The following TMEM273 variants were observed in gnomAD, a reference collection of about 807,000 sequenced individuals.
TMEM273 encodes chromosome 10 open reading frame 128.
Under a neutral mutation model 17.9 loss-of-function variants are expected in TMEM273, and 19 were observed. The observed-to-expected ratio is 1.06, with a 90% CI of 0.74 to 1.55. TMEM273 has a LOEUF of 1.55. Among genes scored for constraint, TMEM273 ranks in the 40% most tolerant of loss-of-function variants. TMEM273 has a pLI of 0.00. For missense variants in TMEM273, 194 were observed against 155.6 expected, an observed-to-expected ratio of 1.25 and a Z score of -1.31; for synonymous variants, 66 against 62.0, an observed-to-expected ratio of 1.07 and a Z score of -0.31.
rs75050051 is a variant in TMEM273 at position 49,155,796 on chromosome 10, C to T, written c.*96G>A. On this transcript the variant is annotated 3_prime_UTR_variant, in exon 7 of 7. Coordinates refer to ENST00000374153, the MANE Select transcript of TMEM273 (RefSeq NM_001288740.3). ...AGTCCATGTGAAAGTTCATTACCAG[C>T]CTTGGGTGTTTGAATGCAGAACATC... is the stretch of plus-strand genomic sequence containing the variant. 0.038 allele frequency: 60,184 copies of T among 1,578,628 alleles called. 1,658 individuals are homozygous for T. Among genetic ancestry groups the T allele is most frequent in the Non-Finnish European group, 0.037 (43,026 of 1,150,028 alleles).
chr10:49,164,403 G>A (rs1395573148), intron 5 of TMEM273, among the ~76,000 whole-genome samples: 2 of 152,134 alleles, frequency 1.3e-5, no homozygotes, highest in African/African-American at 4.8e-5. Context: ...CCAGGCCTGA[G>A]TCTCTGTCCG....
intron 3 of TMEM273, 138 bp downstream of exon 3, chr10:49,166,731 G>A: frequency 1.6e-6 from 2 of 1,273,772 alleles, no homozygotes; most frequent in Non-Finnish European, 2.2e-6. Flanking sequence ...ACAGAAACAT[G>A]CAGAGGTCAC....
At chr10:49,173,547 C>A (rs1409172704) in intron 1 of TMEM273, among the ~76,000 whole-genome samples, 1 of 152,196 alleles carries the variant, frequency 6.6e-6, no homozygotes, top group African/African-American at 2.4e-5. Context: ...TGAAAGTCCC[C>A]CTTGCTCTCG....
intron 4 of TMEM273, 111 bp downstream of exon 4, chr10:49,165,650 ACCTAG>A: frequency 1.4e-6 from 2 of 1,428,314 alleles, no homozygotes. Context: ...CATTCTAGTC[ACCTAG>A]AAAGCATGCC....
chr10:49,161,998 T>C (rs990813319), intron 5 of TMEM273, among the ~76,000 whole-genome samples: 5 of 152,204 alleles, frequency 3.3e-5, no homozygotes, highest in African/African-American at 7.2e-5. Flanking sequence ...CATCCCTTCA[T>C]GTTTTCTCAT....
At chr10:49,173,189 G>A (rs1363803102) in intron 1 of TMEM273, among the ~76,000 whole-genome samples, 2 of 152,242 alleles carry the variant, frequency 1.3e-5, no homozygotes, top group Non-Finnish European at 2.9e-5. Flanking sequence ...GAATCCAGCT[G>A]TGCCCGAAGC....
chr10:49,186,848 C>G (rs914435511), intron 1 of TMEM273, among the ~76,000 whole-genome samples: 3 of 152,158 alleles, frequency 2.0e-5, no homozygotes, highest in African/African-American at 7.2e-5. Flanking sequence ...ATTGTGGCAC[C>G]TATTGCACAG....
intron 5 of TMEM273, among the ~76,000 whole-genome samples, chr10:49,164,751 C>A (rs1846058900): frequency 6.6e-6 from 1 of 152,158 alleles, no homozygotes; most frequent in Admixed American, 6.5e-5. Context: ...TAGCCTGAGG[C>A]TCCCCTGCAC....
At chr10:49,160,535 T>C (rs1036115396) in intron 6 of TMEM273, 3 of 152,108 alleles carry the variant, frequency 2.0e-5, no homozygotes, top group Non-Finnish European at 4.4e-5. Flanking sequence ...AATACAAATA[T>C]TTTTTCTGGA....
In TMEM273 at chr10:49,161,632, A is replaced by C; in HGVS notation, c.349-10T>G. The C allele has an allele frequency of 6.2e-7, 1 of 1,614,220 alleles. No individual in the cohort carries two copies. The highest frequency in any genetic ancestry group is 8.5e-7 in the Non-Finnish European group (1 of 1,180,028). On this transcript the variant is annotated splice_polypyrimidine_tract_variant and intron_variant, in intron 5 of 6. Coordinates refer to ENST00000374153, the MANE Select transcript of TMEM273 (RefSeq NM_001288740.3). ...GAAATTGTGGTTTCGCCTGCAAAAC[A>C]AGATAAAAGGGTGTTCATTGCCTAA...
chr10:49,171,304 T>A (rs891414224), intron 1 of TMEM273, among the ~76,000 whole-genome samples: 2 of 133,808 alleles, frequency 1.5e-5, no homozygotes, highest in South Asian at 5.5e-4. Flanking sequence ...CTGTTCACAC[T>A]GGGCAGGGTC....
chr10:49,170,157 A>G (rs1344488329), intron 1 of TMEM273, among the ~76,000 whole-genome samples: 2 of 152,244 alleles, frequency 1.3e-5, no homozygotes, highest in African/African-American at 4.8e-5. Context: ...GGTGAGAAAG[A>G]CATAGGTACA....
intron 6 of TMEM273, among the ~76,000 whole-genome samples, chr10:49,158,916 C>T (rs373537905): frequency 2.0e-5 from 3 of 152,118 alleles, no homozygotes; most frequent in East Asian, 3.9e-4. Flanking sequence ...CAGATATATA[C>T]ATCTATATGT....
intron 1 of TMEM273, among the ~76,000 whole-genome samples, chr10:49,185,704 C>T (rs1847621428): frequency 6.6e-6 from 1 of 152,100 alleles, no homozygotes; most frequent in Non-Finnish European, 1.5e-5. Flanking sequence ...GATAGCCGGG[C>T]ACGGTGGCTC....
At chr10:49,156,319 T>C in intron 6 of TMEM273, 1 of 1,283,382 alleles carries the variant, frequency 7.8e-7, no homozygotes, top group Non-Finnish European at 1.0e-6. Flanking sequence ...TGCCTTCACA[T>C]CTGAACTACG....
intron 1 of TMEM273, among the ~76,000 whole-genome samples, chr10:49,183,403 A>G (rs1187466217): frequency 2.0e-5 from 3 of 151,914 alleles, no homozygotes; most frequent in Admixed American, 2.0e-4. Context: ...AGAAAGAGGC[A>G]ATATATTATC....
chr10:49,160,759 A>C (rs1845793204), intron 6 of TMEM273: 2 of 152,338 alleles, frequency 1.3e-5, no homozygotes, highest in African/African-American at 4.8e-5. Flanking sequence ...CAAGTAGATC[A>C]GTCAAAAAAG....
intron 6 of TMEM273, among the ~76,000 whole-genome samples, chr10:49,159,967 C>T (rs1845742140): frequency 6.6e-6 from 1 of 151,858 alleles, no homozygotes; most frequent in African/African-American, 2.4e-5. Context: ...GATTAAAATG[C>T]CTTGAAGTCC....
At chr10:49,156,634 T>C (rs1297639384) in intron 6 of TMEM273, among the ~76,000 whole-genome samples, 3 of 152,234 alleles carry the variant, frequency 2.0e-5, no homozygotes, top group African/African-American at 7.2e-5. Context: ...CTTTCCATTG[T>C]GTATATTCAG....
Sources: gnomAD v4.1 joint callset for allele counts (sites outside exome capture counted in the v4.1 genomes callset) on GRCh38, gnomAD v4.1.1 for gene constraint, MANE v1.5 for transcripts, NCBI Gene and HGNC (gene_info 2026-07-23, HGNC 2026-07-21) for gene names.